The following PTPRD variants were observed in gnomAD, a reference collection of about 807,000 sequenced individuals.
The protein encoded by PTPRD is receptor-type tyrosine-protein phosphatase delta.
Under a neutral mutation model 214.5 loss-of-function variants are expected in PTPRD, and 34 were observed. The observed-to-expected ratio is 0.16, with a 90% CI of 0.12 to 0.21. The LOEUF is 0.21. Among genes scored for constraint, PTPRD ranks in the 10% least tolerant of loss-of-function variants. The probability of loss-of-function intolerance (pLI) is 1.00; values close to 1 mark genes in which losing one functional copy is unlikely to be tolerated. For synonymous variants in PTPRD, 1,128 were observed against 845.7 expected, an observed-to-expected ratio of 1.33 and a Z score of -5.79; for missense variants, 2,545 against 2,398.7, an observed-to-expected ratio of 1.06 and a Z score of -1.27.
At chr9:10,306,493 T>G (rs1357959752) in intron 3 of PTPRD, among the ~76,000 whole-genome samples, 1 of 152,114 alleles carries the variant, frequency 6.6e-6, no homozygotes, top group African/African-American at 2.4e-5. Flanking sequence ...CTCATTATTT[T>G]TCCTGTCACC....
intron 10 of PTPRD, among the ~76,000 whole-genome samples, chr9:9,155,604 AG>A (rs1452271441): frequency 6.6e-6 from 1 of 152,156 alleles, no homozygotes; most frequent in African/African-American, 2.4e-5. Context: ...AGATGCTCTA[AG>A]TGAAGACATT....
At chr9:9,984,463 G>A (rs753365974) in intron 4 of PTPRD, among the ~76,000 whole-genome samples, 1 of 152,150 alleles carries the variant, frequency 6.6e-6, no homozygotes, top group East Asian at 1.9e-4. Context: ...TGCCAGACTG[G>A]ACATGGTCTG....
chr9:10,205,888 G>C (rs1021584666), intron 3 of PTPRD, among the ~76,000 whole-genome samples: 10 of 152,108 alleles, frequency 6.6e-5, no homozygotes, highest in African/African-American at 2.2e-4. Context: ...TTATTGCAAA[G>C]ATGTTGATTG....
chr9:10,265,451 T>A (rs1482087496), intron 3 of PTPRD, among the ~76,000 whole-genome samples: 1 of 152,216 alleles, frequency 6.6e-6, no homozygotes, highest in Non-Finnish European at 1.5e-5. Context: ...GAATAACTGC[T>A]CTGCTGAGTT....
chr9:10,187,794 A>G (rs1376983474), intron 3 of PTPRD, among the ~76,000 whole-genome samples: 1 of 152,028 alleles, frequency 6.6e-6, no homozygotes, highest in African/African-American at 2.4e-5. Flanking sequence ...GGACTTCATC[A>G]CCTCTCACTA....
At chr9:8,411,648 C>T (rs923739133) in intron 35 of PTPRD, among the ~76,000 whole-genome samples, 3 of 152,130 alleles carry the variant, frequency 2.0e-5, no homozygotes, top group Non-Finnish European at 2.9e-5. Flanking sequence ...CTGAATATTA[C>T]TAAATGCAGA....
At chr9:9,005,185 G>C (rs2099455304) in intron 11 of PTPRD, among the ~76,000 whole-genome samples, 1 of 152,016 alleles carries the variant, frequency 6.6e-6, no homozygotes, top group Admixed American at 6.6e-5. Flanking sequence ...AATAAGCCAG[G>C]CAACAACAGG....
At chr9:10,431,578 C>T (rs2098679090) in intron 2 of PTPRD, among the ~76,000 whole-genome samples, 2 of 151,532 alleles carry the variant, frequency 1.3e-5, no homozygotes, top group South Asian at 4.2e-4. Flanking sequence ...TGAACTCAAA[C>T]AAATTTACAA....
intron 5 of PTPRD, among the ~76,000 whole-genome samples, chr9:9,878,555 T>C (rs1187775134): frequency 6.6e-6 from 1 of 152,204 alleles, no homozygotes; most frequent in Non-Finnish European, 1.5e-5. Context: ...CTTGGTAAGT[T>C]AGAAAATAGA....
At chr9:9,335,354 A>G (rs901318904) in intron 9 of PTPRD, among the ~76,000 whole-genome samples, 1 of 152,094 alleles carries the variant, frequency 6.6e-6, no homozygotes, top group African/African-American at 2.4e-5. Flanking sequence ...CACTAGATTT[A>G]GAGTGAAGAA....
chr9:9,212,431 C>T (rs1180434124), intron 9 of PTPRD, among the ~76,000 whole-genome samples: 4 of 152,132 alleles, frequency 2.6e-5, no homozygotes, highest in Non-Finnish European at 5.9e-5. Flanking sequence ...ATTGTTGCCT[C>T]CTCACTATTT....
chr9:9,861,826 A>G (rs1045488621), intron 5 of PTPRD, among the ~76,000 whole-genome samples: 1 of 152,210 alleles, frequency 6.6e-6, no homozygotes, highest in African/African-American at 2.4e-5. Context: ...ACAAATAATT[A>G]CATCTATGTT....
At chr9:8,899,958 A>C (rs889341962) in intron 11 of PTPRD, among the ~76,000 whole-genome samples, 1 of 152,184 alleles carries the variant, frequency 6.6e-6, no homozygotes, top group Non-Finnish European at 1.5e-5. Context: ...AACAAATCCA[A>C]ATTATTCCAA....
intron 12 of PTPRD, among the ~76,000 whole-genome samples, chr9:8,717,444 A>G (rs1385615854): frequency 1.4e-4 from 21 of 152,170 alleles, no homozygotes. Context: ...TCAAAAATAC[A>G]GTTCAGATCC....
chr9:10,096,206 A>G (rs2098482448), intron 3 of PTPRD, among the ~76,000 whole-genome samples: 1 of 151,694 alleles, frequency 6.6e-6, no homozygotes, highest in African/African-American at 2.4e-5. Context: ...GGTCTGACAT[A>G]TAGAACAGGA....
chr9:9,375,020 A>T (rs1218741028), intron 9 of PTPRD, among the ~76,000 whole-genome samples: 1 of 152,192 alleles, frequency 6.6e-6, no homozygotes, highest in African/African-American at 2.4e-5. Context: ...CAATTACTAG[A>T]ACTTTTTTTT....
chr9:8,987,446 C>T (rs770058819), intron 11 of PTPRD, among the ~76,000 whole-genome samples: 2 of 152,050 alleles, frequency 1.3e-5, no homozygotes, highest in Non-Finnish European at 2.9e-5. Context: ...TTCCTTTTTG[C>T]AGTTTTAGAA....
At chr9:8,745,084 C>G (rs2092638721) in intron 11 of PTPRD, among the ~76,000 whole-genome samples, 1 of 152,192 alleles carries the variant, frequency 6.6e-6, no homozygotes, top group South Asian at 2.1e-4. Context: ...TTAGTGCCCT[C>G]TTCACATCTA....
At chr9:10,345,771 T>C (rs2154448043) in intron 2 of PTPRD, among the ~76,000 whole-genome samples, 1 of 152,354 alleles carries the variant, frequency 6.6e-6, no homozygotes, top group Admixed American at 6.5e-5. Flanking sequence ...ATCCTTTGGG[T>C]ATAATCCCAG....
Sources: gnomAD v4.1 joint callset for allele counts (sites outside exome capture counted in the v4.1 genomes callset) on GRCh38, gnomAD v4.1.1 for gene constraint, MANE v1.5 for transcripts, NCBI Gene and HGNC (gene_info 2026-07-23, HGNC 2026-07-21) for gene names.